GRIK2: variants seen among roughly 807,000 people sequenced by gnomAD.
GRIK2 encodes glutamate receptor ionotropic, kainate 2.
In GRIK2, 32 loss-of-function variants were observed where a neutral mutation model predicts 100.3. The ratio of observed to expected loss-of-function variants is 0.32; its 90% confidence interval spans 0.24 to 0.43. The LOEUF (loss-of-function observed/expected upper bound fraction) is 0.43. GRIK2 is among the 20% of genes least tolerant of loss of function. The pLI is 1.00. For missense variants in GRIK2, 843 were observed against 1,114.9 expected, an observed-to-expected ratio of 0.76 and a Z score of 3.47; for synonymous variants, 417 against 389.4, an observed-to-expected ratio of 1.07 and a Z score of -0.83.
intron 2 of GRIK2, among the ~76,000 whole-genome samples, chr6:101,408,563 T>C (rs745623780): frequency 6.6e-6 from 1 of 152,052 alleles, no homozygotes; most frequent in Non-Finnish European, 1.5e-5. Context: ...GTGTTTCATT[T>C]TGAACCCAAA....
intron 2 of GRIK2, among the ~76,000 whole-genome samples, chr6:101,416,428 G>A (rs1329143986): frequency 6.6e-6 from 1 of 152,158 alleles, no homozygotes; most frequent in Non-Finnish European, 1.5e-5. Context: ...GGGCAGGGGA[G>A]GAGCAGCAGC....
At chr6:101,715,859 C>T (rs1032546770) in intron 7 of GRIK2, among the ~76,000 whole-genome samples, 7 of 151,802 alleles carry the variant, frequency 4.6e-5, no homozygotes, top group Non-Finnish European at 8.8e-5. Context: ...CAAGTCATCA[C>T]TGACCCTATA....
intron 4 of GRIK2, among the ~76,000 whole-genome samples, chr6:101,662,382 C>T (rs2128334528): frequency 6.6e-6 from 1 of 152,280 alleles, no homozygotes; most frequent in East Asian, 1.9e-4. Context: ...TACTGAATTG[C>T]CACACTTGAG....
chr6:101,513,300 G>T (rs1774414092), intron 2 of GRIK2, among the ~76,000 whole-genome samples: 1 of 152,152 alleles, frequency 6.6e-6, no homozygotes, highest in Non-Finnish European at 1.5e-5. Context: ...AAAGACCCAG[G>T]ATTGATAAAA....
intron 14 of GRIK2, among the ~76,000 whole-genome samples, chr6:102,029,808 A>C (rs368161195): frequency 6.6e-6 from 1 of 151,168 alleles, no homozygotes; most frequent in East Asian, 1.9e-4. Context: ...TAAAATAATA[A>C]AAACTGTATA....
intron 4 of GRIK2, among the ~76,000 whole-genome samples, chr6:101,651,443 T>G (rs1781787629): frequency 1.3e-5 from 2 of 152,138 alleles, no homozygotes; most frequent in South Asian, 4.1e-4. Flanking sequence ...CCTGCCTCCC[T>G]GGAGTTTATA....
chr6:101,841,672 G>C (rs960478821), intron 10 of GRIK2, among the ~76,000 whole-genome samples: 1 of 152,050 alleles, frequency 6.6e-6, no homozygotes, highest in Non-Finnish European at 1.5e-5. Context: ...CCTGCAGAAA[G>C]ATTTTTTGAA....
At chr6:101,742,967 A>G (rs896706127) in intron 7 of GRIK2, among the ~76,000 whole-genome samples, 41 of 152,198 alleles carry the variant, frequency 2.7e-4, no homozygotes, top group African/African-American at 9.2e-4. Flanking sequence ...GGGGGAGATT[A>G]GAATTTTATT....
At chr6:101,747,991 C>A (rs1039675347) in intron 7 of GRIK2, among the ~76,000 whole-genome samples, 4 of 152,058 alleles carry the variant, frequency 2.6e-5, no homozygotes, top group Non-Finnish European at 5.9e-5. Flanking sequence ...AGATAGCAGC[C>A]AAAGGGAACT....
At chr6:101,601,881 AT>A (rs1368970477) in intron 2 of GRIK2, among the ~76,000 whole-genome samples, 1 of 151,568 alleles carries the variant, frequency 6.6e-6, no homozygotes, top group African/African-American at 2.4e-5. Context: ...AAGGGACCAA[AT>A]TTTAGTTTTA....
chr6:101,500,512 G>T (rs975198604), intron 2 of GRIK2, among the ~76,000 whole-genome samples: 1 of 152,002 alleles, frequency 6.6e-6, no homozygotes, highest in African/African-American at 2.4e-5. Flanking sequence ...TTTGGTGAAT[G>T]ATTTTCAACA....
At chr6:101,923,925 CAAAA>C (rs768844963) in intron 12 of GRIK2, among the ~76,000 whole-genome samples, 2 of 60,768 alleles carry the variant, frequency 3.3e-5, no homozygotes, top group African/African-American at 5.2e-5. Context: ...ATTCTGTCTC[CAAAA>C]AAAAAAAAAA....
At chr6:101,444,836 A>G (rs911005174) in intron 2 of GRIK2, among the ~76,000 whole-genome samples, 3 of 152,018 alleles carry the variant, frequency 2.0e-5, no homozygotes, top group Admixed American at 1.3e-4. Context: ...TTTTATCAGC[A>G]TATACCTCTG....
chr6:102,055,291 G>A, intron 15 of GRIK2, 39 bp from the exon 16 acceptor site: 1 of 1,500,596 alleles, frequency 6.7e-7, no homozygotes, highest in Non-Finnish European at 9.1e-7. Context: ...TGAAATTTCA[G>A]GTTCCTTGAA....
intron 2 of GRIK2, among the ~76,000 whole-genome samples, chr6:101,572,909 C>T (rs571095961): frequency 6.4e-4 from 97 of 151,604 alleles, no homozygotes; most frequent in African/African-American, 2.2e-3. Flanking sequence ...ACTGCAGTGA[C>T]ACGACCTTGG....
At chr6:101,462,029 A>T (rs1771334892) in intron 2 of GRIK2, among the ~76,000 whole-genome samples, 1 of 152,148 alleles carries the variant, frequency 6.6e-6, no homozygotes, top group Non-Finnish European at 1.5e-5. Context: ...CGTATACTTT[A>T]ATGTGATCTT....
chr6:101,527,374 A>C (rs1775206619), intron 2 of GRIK2, among the ~76,000 whole-genome samples: 1 of 152,164 alleles, frequency 6.6e-6, no homozygotes, highest in Non-Finnish European at 1.5e-5. Flanking sequence ...AACAAAAGAA[A>C]GGAGGTCTCA....
At chr6:101,465,923 A>G (rs1053385705) in intron 2 of GRIK2, among the ~76,000 whole-genome samples, 2 of 152,210 alleles carry the variant, frequency 1.3e-5, no homozygotes, top group African/African-American at 4.8e-5. Context: ...TGTTTTGACT[A>G]GAGGGAGGCA....
chr6:101,690,702 C>G (rs1772030728), intron 7 of GRIK2, among the ~76,000 whole-genome samples: 1 of 152,028 alleles, frequency 6.6e-6, no homozygotes, highest in African/African-American at 2.4e-5. Flanking sequence ...TTTGCTTGCT[C>G]CCTGTTCCAC....
Sources: gnomAD v4.1 joint callset for allele counts (sites outside exome capture counted in the v4.1 genomes callset) on GRCh38, gnomAD v4.1.1 for gene constraint, MANE v1.5 for transcripts, NCBI Gene and HGNC (gene_info 2026-07-23, HGNC 2026-07-21) for gene names.